Variants in LGI1 observed in about 807,000 individuals in gnomAD.
LGI1 encodes leucine-rich glioma-inactivated protein 1.
A neutral mutation model predicts 57.7 loss-of-function variants in LGI1; 11 were observed. That is an observed-to-expected ratio of 0.19 (90% CI 0.12 to 0.32). LGI1 has a LOEUF of 0.32. LGI1 is among the 10% of genes least tolerant of loss of function. The pLI is 1.00. For synonymous variants in LGI1, 222 were observed against 241.9 expected (o/e 0.92, Z 0.76); for missense variants, 422 against 661.9 (o/e 0.64, Z 3.98).
chr10:93,784,867 C>T (rs1475122865), intron 4 of LGI1, among the ~76,000 whole-genome samples: 1 of 152,182 alleles, frequency 6.6e-6, no homozygotes, highest in Non-Finnish European at 1.5e-5. Flanking sequence ...AAGGACTAGA[C>T]ACTCTGTGGG....
At chr10:93,760,316 T>C (rs566004101) in intron 2 of LGI1, among the ~76,000 whole-genome samples, 1 of 152,350 alleles carries the variant, frequency 6.6e-6, no homozygotes, top group South Asian at 2.1e-4. Flanking sequence ...AAAGATAGAT[T>C]CTTTCCCACA....
intron 3 of LGI1, 35 bp from the exon 4 acceptor site, chr10:93,777,511 A>G: frequency 6.2e-7 from 1 of 1,609,334 alleles, no homozygotes; most frequent in Non-Finnish European, 8.5e-7. Context: ...AAGTTCCTGT[A>G]ACTGTTTGAC....
At position 93,790,079 on chromosome 10, in the gene LGI1, C is replaced by CTTTTTTTTTT; in HGVS notation, c.432-14_432-5dup. 1.4e-6 allele frequency: 2 copies of CTTTTTTTTTT among 1,406,954 alleles called. No homozygotes were observed. Among genetic ancestry groups the CTTTTTTTTTT allele is most frequent in the Admixed American group, 4.1e-5 (2 of 49,236 alleles). 87.2% of individuals were successfully genotyped at this position (1,406,954 alleles called of 1,614,324 possible). On this transcript the variant is annotated intron_variant, in intron 4 of 7. Transcript: ENST00000371418. ...AATTTATCACTACAGTTTACATCACCTTTTTTTTTTTTTTTCCAGGAGCCT... is the reference window on the plus strand; with the variant it reads ...AATTTATCACTACAGTTTACATCACCTTTTTTTTTTTTTTTTTTTTTTTTTCCAGGAGCCT...
At chr10:93,789,960 T>C in intron 4 of LGI1, 139 bp from the exon 5 acceptor site, 1 of 778,666 alleles carries the variant, frequency 1.3e-6, no homozygotes, top group Non-Finnish European at 2.1e-6. Flanking sequence ...TGAGTAGTAG[T>C]TCAGAAGAAA....
intron 2 of LGI1, chr10:93,770,624 A>G (rs1266220480): frequency 6.6e-6 from 1 of 152,184 alleles, no homozygotes; most frequent in Non-Finnish European, 1.5e-5. Context: ...CCGTTCAACC[A>G]GGAACCCCCT....
At chr10:93,770,346 G>A (rs1277756923) in intron 2 of LGI1, 2 of 152,298 alleles carry the variant, frequency 1.3e-5, no homozygotes, top group African/African-American at 4.8e-5. Context: ...GGGCAGGAAA[G>A]CACCTCAGTG....
chr10:93,794,578 T>G (rs564484393), intron 7 of LGI1: 7 of 152,072 alleles, frequency 4.6e-5, no homozygotes, highest in African/African-American at 1.7e-4. Context: ...TTGGTCAGGC[T>G]GGTTTCGAAT....
chr10:93,765,942 C>T (rs568206431), intron 2 of LGI1, among the ~76,000 whole-genome samples: 29 of 145,394 alleles, frequency 2.0e-4, no homozygotes, highest in African/African-American at 6.9e-4. Context: ...TGCACTCCAG[C>T]CTGGGCGACA....
rs2059583442 is a variant in LGI1, at chr10:93,758,123, T to G, written c.-22T>G. 6.2e-7 allele frequency: 1 copy of G among 1,604,580 alleles called. No individual in the cohort carries two copies. The highest frequency in any genetic ancestry group is 8.5e-7 in the Non-Finnish European group (1 of 1,171,562). On this transcript the variant is annotated 5_prime_UTR_variant, in exon 1 of 8. Coordinates refer to ENST00000371418, the MANE Select transcript of LGI1 (RefSeq NM_005097.4). This position sits in a 1 kb window ranked among gnomAD's most constrained non-coding sequence, Gnocchi z 4.7. ...TGAATTCCAGAAGCCCTGTTCATGG[T>G]TGGGGATATTTTCTCGACTGCATGG... is the stretch of plus-strand genomic sequence containing the variant.
In LGI1 at chr10:93,793,203, G is replaced by T. The variant is rs926839552; in HGVS notation, c.691G>T (p.Asp231Tyr). 1.9e-6 allele frequency: 3 copies of T among 1,612,474 alleles called. No homozygotes were observed. Among genetic ancestry groups the T allele is most frequent in the Non-Finnish European group, 2.5e-6 (3 of 1,179,220 alleles). ...CIITEFAKSQ[D>Y]LPYQSLSIDT... The stretch of plus-strand genomic sequence containing the variant: ...TTTTGCAGAATTTGCAAAGTCTCAA[G>T]ACCTGCCTTATCAATCATTGTCCAT... The change falls in exon 7 of 8, where the codon GAC becomes TAC. Residue 231 changes from aspartate to tyrosine, a missense_variant. Transcript: ENST00000371418.
intron 4 of LGI1, among the ~76,000 whole-genome samples, chr10:93,783,367 C>T (rs923102306): frequency 2.6e-5 from 4 of 152,170 alleles, no homozygotes; most frequent in African/African-American, 9.7e-5. Flanking sequence ...CAGAGCGAGA[C>T]TCCGTCTCCA....
chr10:93,764,995 AG>A (rs1207303447), intron 2 of LGI1: 1 of 152,236 alleles, frequency 6.6e-6, no homozygotes, highest in Non-Finnish European at 1.5e-5. Flanking sequence ...TTCAAAAAAA[AG>A]TCATAACCCT....
chr10:93,793,044 C>A (rs1204286606), intron 6 of LGI1, 132 bp downstream of exon 6: 3 of 1,158,676 alleles, frequency 2.6e-6, no homozygotes, highest in South Asian at 2.8e-5. Context: ...AATTATGAAC[C>A]ATTGACAATG....
chr10:93,761,763 TA>T (rs901972783), intron 2 of LGI1, among the ~76,000 whole-genome samples: 1 of 152,230 alleles, frequency 6.6e-6, no homozygotes, highest in African/African-American at 2.4e-5. Context: ...ATACATTTTT[TA>T]AAAATCTCAT....
intron 2 of LGI1, chr10:93,764,517 T>A (rs1185030939): frequency 6.6e-6 from 1 of 152,194 alleles, no homozygotes; most frequent in African/African-American, 2.4e-5. Context: ...CTGCAAGGGC[T>A]TTACAGCATC....
intron 7 of LGI1, 93 bp downstream of exon 7, chr10:93,793,443 G>A (rs888991188): frequency 9.1e-7 from 1 of 1,097,552 alleles, no homozygotes; most frequent in African/African-American, 1.6e-5. Flanking sequence ...GAATGCTTTA[G>A]CATTTGAATT....
Position 93,758,054 on chromosome 10 carries a change from T to G in LGI1, c.-91T>G, listed in dbSNP as rs1589746867. On this transcript the variant is annotated 5_prime_UTR_variant, in exon 1 of 8. Transcript: ENST00000371418. This position sits in a 1 kb window ranked among gnomAD's most constrained non-coding sequence, Gnocchi z 4.7. Reference sequence around the variant, plus strand: ...GAGATACAGAGGCAGAGGAAAAGGGTGGACTCCTATGTGACCTGTTCTTAG... The same window carrying G: ...GAGATACAGAGGCAGAGGAAAAGGGGGGACTCCTATGTGACCTGTTCTTAG... The G allele has an allele frequency of 9.1e-7, 1 of 1,097,944 alleles. No individual in the cohort carries two copies. Among genetic ancestry groups the G allele is most frequent in the African/African-American group, 1.5e-5 (1 of 64,554 alleles). The allele number at this position is 1,097,944 out of a possible 1,614,324, so 68.0% of individuals were successfully genotyped here.
chr10:93,792,706 C>G (rs779757848), intron 5 of LGI1, 37 bp from the exon 6 acceptor site: 4 of 1,607,356 alleles, frequency 2.5e-6, no homozygotes, highest in Middle Eastern at 1.7e-4. Flanking sequence ...TGGGTAGGGC[C>G]CTTGTACAGC....
chr10:93,789,956 G>A (rs1427367714), intron 4 of LGI1, 143 bp from the exon 5 acceptor site: 3 of 724,930 alleles, frequency 4.1e-6, no homozygotes, highest in East Asian at 2.7e-5. Flanking sequence ...AATCTGAGTA[G>A]TAGTTCAGAA....
Sources: gnomAD v4.1 joint callset for allele counts (sites outside exome capture counted in the v4.1 genomes callset) on GRCh38, gnomAD v4.1.1 for gene constraint, Gnocchi (gnomAD v3.1) non-coding constraint, MANE v1.5 for transcripts, NCBI Gene and HGNC (gene_info 2026-07-23, HGNC 2026-07-21) for gene names.